The following ALX1 variants were observed in gnomAD, a reference collection of about 807,000 sequenced individuals.
ALX1 encodes the protein ALX homeobox 1.
ALX1 carries 19 observed loss-of-function variants against 31.7 expected under a neutral mutation model. The observed-to-expected ratio is 0.60, with a 90% confidence interval of 0.42 to 0.88. ALX1 has a LOEUF of 0.88. ALX1 is among the 40% of genes least tolerant of loss of function. The pLI is 0.00. For missense variants in ALX1, 415 were observed against 407.8 expected (o/e 1.02, Z -0.15); for synonymous variants, 153 against 148.8 (o/e 1.03, Z -0.20).
intron 3 of ALX1, among the ~76,000 whole-genome samples, chr12:85,288,632 T>G (rs891393738): frequency 6.6e-6 from 1 of 151,558 alleles, no homozygotes; most frequent in African/African-American, 2.4e-5. Flanking sequence ...GGCACTGTTC[T>G]AAGCAGATTA....
rs144043620 is a variant in ALX1 at position 85,285,087 on chromosome 12, C to A, written c.531+1211C>A. ...TTTAGAATTGTCGAGTATTAACACC[C>A]GCTGTGTAAGTTTGAGATTTTTGTC... On this transcript the variant is annotated intron_variant, in intron 2 of 3. Transcript: ENST00000316824. 5.1e-3 allele frequency among the ~76,000 whole-genome samples: 776 copies of A among 152,050 alleles called. 6 individuals carry two copies. The highest frequency in any genetic ancestry group is 0.018 in the African/African-American group (734 of 41,514).
At chr12:85,291,402 T>C (rs1398122204) in intron 3 of ALX1, among the ~76,000 whole-genome samples, 1 of 151,088 alleles carries the variant, frequency 6.6e-6, no homozygotes. Context: ...CTAAATAATT[T>C]TGGCCTTAAA....
chr12:85,301,180 A>C lies in ALX1; in HGVS notation c.686A>C (p.Asn229Thr). Reference sequence around the variant, plus strand: ...ATTCAGAACAATTTGTGGGCAGGAAATGCAAGTGGTGGTTCTGTGGTTACT... The same window carrying C: ...ATTCAGAACAATTTGTGGGCAGGAACTGCAAGTGGTGGTTCTGTGGTTACT... ...PQIQNNLWAG[N>T]ASGGSVVTSC... Residue 229 changes from asparagine (N) to threonine (T), a missense_variant, in exon 4 of 4, where the codon AAT becomes ACT. Coordinates refer to ENST00000316824, the MANE Select transcript of ALX1 (RefSeq NM_006982.3). 7 of 1,614,010 alleles carry C rather than the reference A, an allele frequency of 4.3e-6. No individual in the cohort carries two copies. The highest frequency in any genetic ancestry group is 5.9e-6 in the Non-Finnish European group (7 of 1,179,912).
chr12:85,283,425 A>G (rs1896705599), intron 1 of ALX1, 147 bp from the exon 2 acceptor site: 1 of 815,950 alleles, frequency 1.2e-6, no homozygotes, highest in Non-Finnish European at 2.0e-6. Flanking sequence ...TGAATTAAGT[A>G]TAGAAATGTG....
chr12:85,299,596 A>G (rs1161356179), intron 3 of ALX1, among the ~76,000 whole-genome samples: 1 of 151,800 alleles, frequency 6.6e-6, no homozygotes, highest in Non-Finnish European at 1.5e-5. Context: ...CAACCCAGAT[A>G]TGTAAGCACC....
In ALX1 at chr12:85,301,578, A is replaced by C. The variant is rs1896967904; in HGVS notation, c.*103A>C. 1 of 1,214,314 alleles carries C rather than the reference A, an allele frequency of 8.2e-7. No homozygotes were observed. The highest frequency in any genetic ancestry group is 1.5e-5 in the African/African-American group (1 of 65,986). The allele number at this position is 1,214,314 out of a possible 1,614,324, so 75.2% of individuals were successfully genotyped here. On this transcript the variant is annotated 3_prime_UTR_variant, in exon 4 of 4. Transcript: ENST00000316824. The stretch of plus-strand genomic sequence containing the variant: ...AAGCTGCTGTGTGTGGAATTGCTAA[A>C]GGTCAAGATATTCAGTGAGACCAGC...
rs776648954 is a variant in ALX1 at position 85,280,490 on chromosome 12, G to GAC, written c.226+4_226+5insCA. 6.2e-7 allele frequency: 1 copy of GAC among 1,610,102 alleles called. No homozygotes were observed. The highest frequency in any genetic ancestry group is 8.5e-7 in the Non-Finnish European group (1 of 1,179,812). The stretch of plus-strand genomic sequence containing the variant: ...CTCGCCCTGTCAGGACAGCAGCGGT[G>GAC]AGTCGCTAGCGCCCCAGCCGGAGCC... On this transcript the variant is annotated splice_donor_region_variant and intron_variant, in intron 1 of 3. Transcript: ENST00000316824.
rs201690022 is a variant in ALX1 at position 85,290,554 on chromosome 12, CAAAT to C, written c.660+3576_660+3579del. The stretch of plus-strand genomic sequence containing the variant: ...AAACTTACTTATCTTTGATAGCAAA[CAAAT>C]AAGAAAGTGAGAGACGTGATGTTCA... On this transcript the variant is annotated intron_variant, in intron 3 of 3. Transcript: ENST00000316824. 6.8e-3 allele frequency among the ~76,000 whole-genome samples: 1,024 copies of C among 151,132 alleles called. 12 individuals carry two copies. Among genetic ancestry groups the C allele is most frequent in the African/African-American group, 0.023 (958 of 41,406 alleles).
intron 1 of ALX1, among the ~76,000 whole-genome samples, chr12:85,282,187 A>G (rs1036276664): frequency 5.9e-5 from 9 of 151,710 alleles, no homozygotes; most frequent in Admixed American, 2.0e-4. Context: ...GCTCTTCTTT[A>G]TATTTGGTTT....
At chr12:85,280,592 G>C (rs1896656785) in intron 1 of ALX1, 105 bp downstream of exon 1, 1 of 1,252,430 alleles carries the variant, frequency 8.0e-7, no homozygotes, top group African/African-American at 1.5e-5. Flanking sequence ...AAGTGGGAGC[G>C]AGGGACCTGG....
chr12:85,300,114 A>G (rs1442597822), intron 3 of ALX1, among the ~76,000 whole-genome samples: 3 of 151,876 alleles, frequency 2.0e-5, no homozygotes, highest in African/African-American at 4.8e-5. Flanking sequence ...ATTTTCTCTG[A>G]GCTTCCCAGT....
chr12:85,301,088 T>C lies in ALX1; in HGVS notation c.661-67T>C. Reference sequence around the variant, plus strand: ...GTTAACCAAATTTAGTAAATACAACTTAACAAAAGTAAGAGAACAAAAGTG... The same window carrying C: ...GTTAACCAAATTTAGTAAATACAACCTAACAAAAGTAAGAGAACAAAAGTG... On this transcript the variant is annotated intron_variant, in intron 3 of 3. Transcript: ENST00000316824. 8 of 1,584,356 alleles carry C rather than the reference T, an allele frequency of 5.0e-6. No homozygotes were observed. In the South Asian group the frequency reaches 8.9e-5, roughly 18 times the overall value.
At chr12:85,281,122 G>C (rs1896667167) in intron 1 of ALX1, among the ~76,000 whole-genome samples, 1 of 152,050 alleles carries the variant, frequency 6.6e-6, no homozygotes, top group South Asian at 2.1e-4. Context: ...TTGAATGTTT[G>C]TTAAACACTA....
chr12:85,283,263 A>T (rs927024128), intron 1 of ALX1, among the ~76,000 whole-genome samples: 1 of 152,218 alleles, frequency 6.6e-6, no homozygotes, highest in African/African-American at 2.4e-5. Context: ...CTTTCATGAA[A>T]CACCCAGATC....
intron 2 of ALX1, among the ~76,000 whole-genome samples, chr12:85,286,198 C>A (rs1896744515): frequency 6.6e-6 from 1 of 151,752 alleles, no homozygotes; most frequent in Non-Finnish European, 1.5e-5. Flanking sequence ...ATTTTAAAAC[C>A]ATAGTTCAAC....
intron 3 of ALX1, among the ~76,000 whole-genome samples, chr12:85,288,263 C>T (rs12099841): frequency 0.17 from 25,308 of 151,338 alleles, 4,575 homozygotes; most frequent in African/African-American, 0.45. Context: ...TACCCAATGG[C>T]TTGCTAGAAG....
intron 3 of ALX1, among the ~76,000 whole-genome samples, chr12:85,296,567 T>C (rs1159610640): frequency 6.6e-6 from 1 of 151,654 alleles, no homozygotes; most frequent in African/African-American, 2.4e-5. Context: ...TGGGAGGTAG[T>C]TGGCTAAGTT....
intron 2 of ALX1, 103 bp from the exon 3 acceptor site, chr12:85,286,750 T>A (rs1393129798): frequency 1.8e-6 from 2 of 1,082,474 alleles, no homozygotes; most frequent in African/African-American, 3.9e-5. Flanking sequence ...TTTTACGTAA[T>A]TTTTTTAACC....
intron 1 of ALX1, among the ~76,000 whole-genome samples, chr12:85,281,191 C>T (rs1049373829): frequency 2.0e-5 from 3 of 152,152 alleles, no homozygotes; most frequent in African/African-American, 7.2e-5. Context: ...TTCCCAGATT[C>T]TACGTTTTGT....
Sources: gnomAD v4.1 joint callset for allele counts (sites outside exome capture counted in the v4.1 genomes callset) on GRCh38, gnomAD v4.1.1 for gene constraint, MANE v1.5 for transcripts, NCBI Gene and HGNC (gene_info 2026-07-23, HGNC 2026-07-21) for gene names.